Variants in ABCA13 observed in about 807,000 individuals in gnomAD.
The protein encoded by ABCA13 is ATP-binding cassette sub-family A member 13.
In ABCA13, 476 loss-of-function variants were observed where a neutral mutation model predicts 478.7. The observed-to-expected ratio is 0.99, with a 90% CI of 0.92 to 1.07. The LOEUF (loss-of-function observed/expected upper bound fraction) is 1.07. ABCA13 is among the 50% of genes least tolerant of loss of function. The pLI is 0.00. For synonymous variants in ABCA13, 2,252 were observed against 2,158.9 expected (o/e 1.04, Z -1.20); for missense variants, 6,060 against 5,910.6 (o/e 1.03, Z -0.83).
At position 48,389,043 on chromosome 7, in the gene ABCA13, C is replaced by T. The variant is rs747105543; in HGVS notation, c.11477C>T (p.Ser3826Leu). ...TGAATTTTCATCTCTCTCACAGGGT[C>T]ATCACTGCAAAACAGGGAAGGAGAG... Reference protein sequence around the residue: ...FFNENFDNKGSSLQNREGELE... With the variant: ...FFNENFDNKGLSLQNREGELE... The change falls in exon 37 of 62, where the codon TCA (serine) becomes TTA (leucine). Residue 3826 changes from serine (S) to leucine (L), a missense_variant. This residue lies in a region of ABCA13 where 1,627 missense variants were observed against 1,571.0 expected (regional missense o/e 1.04). Transcript: ENST00000435803. 2.0e-5 allele frequency: 32 copies of T among 1,613,308 alleles called. No homozygotes were observed. In the South Asian group the frequency reaches 3.3e-4, roughly 17 times the overall value.
intron 57 of ABCA13, among the ~76,000 whole-genome samples, chr7:48,591,076 C>CTT (rs200602257): frequency 1.4e-5 from 2 of 145,902 alleles, no homozygotes; most frequent in Admixed American, 6.8e-5. Flanking sequence ...AGGAGCTCTT[C>CTT]TTTTTTTTTT....
intron 38 of ABCA13, among the ~76,000 whole-genome samples, chr7:48,398,126 A>G (rs1261284134): frequency 6.6e-6 from 1 of 152,214 alleles, no homozygotes; most frequent in Non-Finnish European, 1.5e-5. Context: ...ATAGCTAGGT[A>G]TCTTATGGAC....
At chr7:48,220,902 T>G (rs962548715) in intron 4 of ABCA13, among the ~76,000 whole-genome samples, 1 of 152,170 alleles carries the variant, frequency 6.6e-6, no homozygotes, top group Non-Finnish European at 1.5e-5. Context: ...TAATTTCACT[T>G]TTTTCTCTTC....
chr7:48,566,877 A>G (rs77793787), intron 55 of ABCA13, among the ~76,000 whole-genome samples: 45 of 152,306 alleles, frequency 3.0e-4, no homozygotes, highest in African/African-American at 1.1e-3. Flanking sequence ...TTAAAATGCT[A>G]TTTGAGTACT....
chr7:48,330,383 A>G (rs950425973), intron 27 of ABCA13, among the ~76,000 whole-genome samples: 1 of 150,444 alleles, frequency 6.6e-6, no homozygotes, highest in African/African-American at 2.5e-5. Context: ...CCATCCATTC[A>G]TCCATCCATC....
chr7:48,539,549 C>T (rs1173050842), intron 55 of ABCA13, among the ~76,000 whole-genome samples: 1 of 152,112 alleles, frequency 6.6e-6, no homozygotes, highest in Non-Finnish European at 1.5e-5. Flanking sequence ...TTTCAGCTGT[C>T]CTCAGAAAGT....
At chr7:48,426,625 AG>A (rs1821460521) in intron 41 of ABCA13, among the ~76,000 whole-genome samples, 1 of 152,120 alleles carries the variant, frequency 6.6e-6, no homozygotes, top group Non-Finnish European at 1.5e-5. Flanking sequence ...TCACTTGGAG[AG>A]GGGCCAGGGC....
chr7:48,544,449 G>A (rs538579536), intron 55 of ABCA13, among the ~76,000 whole-genome samples: 5 of 151,834 alleles, frequency 3.3e-5, no homozygotes, highest in African/African-American at 1.2e-4. Flanking sequence ...AATCTCAGGG[G>A]ATGATGAGAC....
At chr7:48,471,128 TC>T in intron 44 of ABCA13, among the ~76,000 whole-genome samples, 1 of 152,186 alleles carries the variant, frequency 6.6e-6, no homozygotes, top group East Asian at 1.9e-4. Context: ...AAATTGTTTT[TC>T]CTTAAGTGAT....
chr7:48,579,078 A>G (rs1421465275), intron 55 of ABCA13, among the ~76,000 whole-genome samples: 3 of 152,226 alleles, frequency 2.0e-5, no homozygotes, highest in African/African-American at 7.2e-5. Context: ...TGGATGTGAC[A>G]ATGCCTTTTT....
intron 58 of ABCA13, among the ~76,000 whole-genome samples, chr7:48,609,938 T>G (rs1316371326): frequency 6.6e-6 from 1 of 152,186 alleles, no homozygotes; most frequent in East Asian, 1.9e-4. Flanking sequence ...TTTGACATGA[T>G]ATTTGGGCAG....
At chr7:48,532,582 A>C (rs1453351293) in intron 55 of ABCA13, among the ~76,000 whole-genome samples, 1 of 152,082 alleles carries the variant, frequency 6.6e-6, no homozygotes, top group East Asian at 1.9e-4. Flanking sequence ...GATTGGTCCC[A>C]ATTCTTCTTT....
intron 37 of ABCA13, 84 bp downstream of exon 37, chr7:48,389,304 C>A: frequency 1.4e-6 from 2 of 1,449,864 alleles, no homozygotes; most frequent in East Asian, 4.9e-5. Flanking sequence ...GGTTTGATTT[C>A]TTTTCCTTTT....
At chr7:48,284,065 C>A (rs1430501945) in intron 19 of ABCA13, among the ~76,000 whole-genome samples, 2 of 152,212 alleles carry the variant, frequency 1.3e-5, no homozygotes, top group Non-Finnish European at 2.9e-5. Context: ...CATCTCCCTG[C>A]ATGCCATTGG....
At chr7:48,433,899 A>G (rs1435757653) in intron 42 of ABCA13, among the ~76,000 whole-genome samples, 1 of 152,032 alleles carries the variant, frequency 6.6e-6, no homozygotes, top group Non-Finnish European at 1.5e-5. Context: ...TATGTATCAC[A>G]TTTTGTTTAT....
intron 27 of ABCA13, among the ~76,000 whole-genome samples, chr7:48,327,472 G>A (rs1018428348): frequency 6.6e-6 from 1 of 152,110 alleles, no homozygotes; most frequent in Admixed American, 6.6e-5. Context: ...ATGAGATTTG[G>A]TTGGGGACAC....
Position 48,466,824 on chromosome 7 carries a change from T to C in ABCA13, c.12816-132T>C, listed in dbSNP as rs1826925787. On this transcript the variant is annotated intron_variant, in intron 43 of 61. Transcript: ENST00000435803. Reference sequence around the variant, plus strand: ...AAAACAGTGGAAAATTAGCTGTATCTCACTTACTAGGAATCATTAGATGGA... The same window carrying C: ...AAAACAGTGGAAAATTAGCTGTATCCCACTTACTAGGAATCATTAGATGGA... The C allele has an allele frequency of 6.1e-6, 5 of 814,720 alleles. 1 individual carries two copies. Among genetic ancestry groups the C allele is most frequent in the Admixed American group, 4.2e-5 (2 of 47,670 alleles). 50.5% of individuals were successfully genotyped at this position (814,720 alleles called of 1,614,324 possible). A position where few individuals can be genotyped will look rare whatever the true frequency, so the allele number is the denominator to read the frequency against.
At chr7:48,188,957 G>A (rs1198450676) in intron 1 of ABCA13, among the ~76,000 whole-genome samples, 1 of 152,142 alleles carries the variant, frequency 6.6e-6, no homozygotes, top group Non-Finnish European at 1.5e-5. Context: ...TCTGCTGGTC[G>A]GAGCTTCCCT....
At position 48,389,116 on chromosome 7, in the gene ABCA13, A is replaced by T; in HGVS notation, c.11550A>T (p.Glu3850Asp). ...PGVTLVSVTK[E>D]YEGHKAVVQD... ...TCACCCTGGTGTCTGTGACCAAGGA[A>T]TATGAGGGCCACAAGGCTGTGGTCC... Residue 3850 changes from glutamate (E) to aspartate (D), a missense_variant, in exon 37 of 62, where the codon GAA becomes GAT. Transcript: ENST00000435803. 1 of 1,613,964 alleles carries T rather than the reference A, an allele frequency of 6.2e-7. No homozygotes were observed. The highest frequency in any genetic ancestry group is 8.5e-7 in the Non-Finnish European group (1 of 1,179,866).
Sources: gnomAD v4.1 joint callset for allele counts (sites outside exome capture counted in the v4.1 genomes callset) on GRCh38, gnomAD v4.1.1 for gene constraint, gnomAD v4.1.1 regional missense constraint, MANE v1.5 for transcripts, NCBI Gene and HGNC (gene_info 2026-07-23, HGNC 2026-07-21) for gene names.